The following KCNAB1 variants were observed in gnomAD, a reference collection of about 807,000 sequenced individuals.
KCNAB1 encodes the protein potassium voltage-gated channel subfamily A regulatory beta subunit 1.
In KCNAB1, 35 loss-of-function variants were observed where a neutral mutation model predicts 64.6. The observed-to-expected ratio is 0.54, with a 90% CI of 0.41 to 0.72. KCNAB1 has a LOEUF of 0.72. KCNAB1 is among the 30% of genes least tolerant of loss of function. KCNAB1 has a pLI of 0.00. For missense variants in KCNAB1, 401 were observed against 512.9 expected (o/e 0.78, Z 2.11); for synonymous variants, 177 against 183.8 (o/e 0.96, Z 0.30).
intron 1 of KCNAB1, among the ~76,000 whole-genome samples, chr3:156,383,733 T>A (rs1438101743): frequency 6.6e-6 from 1 of 152,202 alleles, no homozygotes; most frequent in African/African-American, 2.4e-5. Flanking sequence ...AGAAAGAGGT[T>A]TACAGATTTC....
intron 1 of KCNAB1, among the ~76,000 whole-genome samples, chr3:156,193,614 C>T (rs1347496253): frequency 1.3e-5 from 2 of 152,098 alleles, no homozygotes; most frequent in Non-Finnish European, 2.9e-5. Flanking sequence ...GTGCATCTTA[C>T]ATGGTGGCAG....
At chr3:156,148,451 C>T (rs1156269477) in intron 1 of KCNAB1, among the ~76,000 whole-genome samples, 2 of 152,202 alleles carry the variant, frequency 1.3e-5, no homozygotes, top group East Asian at 1.9e-4. Context: ...AACCAAAGAG[C>T]AAGTAGGAAC....
chr3:156,506,125 TTTG>T (rs1716820165), intron 8 of KCNAB1, among the ~76,000 whole-genome samples: 1 of 152,242 alleles, frequency 6.6e-6, no homozygotes, highest in Non-Finnish European at 1.5e-5. Context: ...TTTCAGCTAG[TTTG>T]TTGTTATCGT....
chr3:156,315,734 A>C (rs915611415), intron 1 of KCNAB1, among the ~76,000 whole-genome samples: 1 of 152,202 alleles, frequency 6.6e-6, no homozygotes, highest in African/African-American at 2.4e-5. Context: ...GTATATCTTC[A>C]TATCTATATT....
intron 2 of KCNAB1, among the ~76,000 whole-genome samples, chr3:156,439,381 A>C (rs1056855329): frequency 6.6e-6 from 1 of 152,136 alleles, no homozygotes; most frequent in African/African-American, 2.4e-5. Context: ...ACCTTTCAGA[A>C]TTGTTGGAAA....
intron 1 of KCNAB1, among the ~76,000 whole-genome samples, chr3:156,280,213 A>G (rs1719616547): frequency 6.6e-6 from 1 of 150,450 alleles, no homozygotes; most frequent in South Asian, 2.1e-4. Context: ...AGCACCATTT[A>G]TTAAATAGGG....
At chr3:156,378,305 A>G (rs1186774563) in intron 1 of KCNAB1, among the ~76,000 whole-genome samples, 1 of 152,094 alleles carries the variant, frequency 6.6e-6, no homozygotes, top group East Asian at 1.9e-4. Flanking sequence ...AGGAGGTAGG[A>G]TTGAAAGCCA....
Position 156,429,156 on chromosome 3 carries a change from T to C in KCNAB1, c.319+7497T>C, listed in dbSNP as rs187496745. On this transcript the variant is annotated intron_variant, in intron 2 of 13. Coordinates refer to ENST00000490337, the MANE Select transcript of KCNAB1 (RefSeq NM_172160.3). ...GCTCCACATGCATGTGTTTTTCAAATGCTGCCCTGACGGTTCTGAAGGAAG... is the reference window on the plus strand; with the variant it reads ...GCTCCACATGCATGTGTTTTTCAAACGCTGCCCTGACGGTTCTGAAGGAAG... Among the ~76,000 whole-genome samples, 511 of 152,358 alleles carry C rather than the reference T, an allele frequency of 3.4e-3. 2 individuals are homozygous for C. The highest frequency in any genetic ancestry group is 5.9e-3 in the Non-Finnish European group (402 of 68,022).
chr3:156,411,441 T>C (rs985353155), intron 1 of KCNAB1, among the ~76,000 whole-genome samples: 1 of 152,156 alleles, frequency 6.6e-6, no homozygotes, highest in African/African-American at 2.4e-5. Flanking sequence ...AAGCCCAAAG[T>C]CACACATATT....
intron 1 of KCNAB1, among the ~76,000 whole-genome samples, chr3:156,257,795 G>A (rs1265726738): frequency 6.6e-6 from 1 of 152,150 alleles, no homozygotes; most frequent in Non-Finnish European, 1.5e-5. Context: ...GTCTCAGAAA[G>A]GACCTGTCAA....
intron 1 of KCNAB1, among the ~76,000 whole-genome samples, chr3:156,198,913 ATTTTTTTTTTTTTTTTT>A: frequency 4.7e-5 from 1 of 21,288 alleles, no homozygotes; most frequent in Non-Finnish European, 9.0e-5. Context: ...TTATATTTTG[ATTTTTTTTTTTTTTTTT>A]TTTTTTTTTT....
At chr3:156,344,699 T>A (rs908329072) in intron 1 of KCNAB1, among the ~76,000 whole-genome samples, 5 of 152,196 alleles carry the variant, frequency 3.3e-5, no homozygotes, top group South Asian at 4.1e-4. Flanking sequence ...GAGAATTACA[T>A]TTTGAGAAAC....
intron 10 of KCNAB1, 80 bp downstream of exon 10, chr3:156,515,300 T>G (rs905673527): frequency 1.5e-6 from 2 of 1,325,168 alleles, no homozygotes; most frequent in African/African-American, 3.0e-5. Context: ...AAAACAGTGT[T>G]ATTGAAATGC....
intron 9 of KCNAB1, 35 bp from the exon 10 acceptor site, chr3:156,515,065 A>G (rs1245165900): frequency 6.4e-7 from 1 of 1,555,940 alleles, no homozygotes; most frequent in East Asian, 2.3e-5. Flanking sequence ...ATTTCTCATC[A>G]GTATAAATTT....
intron 1 of KCNAB1, among the ~76,000 whole-genome samples, chr3:156,197,373 G>C (rs1246894818): frequency 1.3e-5 from 2 of 152,166 alleles, no homozygotes; most frequent in African/African-American, 4.8e-5. Context: ...AATGGTTTCA[G>C]AACGAATGCT....
intron 1 of KCNAB1, among the ~76,000 whole-genome samples, chr3:156,173,291 T>G (rs1201597560): frequency 6.6e-6 from 1 of 152,074 alleles, no homozygotes; most frequent in East Asian, 1.9e-4. Context: ...AGATGGCCAG[T>G]GAGTTAACCA....
intron 12 of KCNAB1, among the ~76,000 whole-genome samples, chr3:156,524,724 G>A (rs867585763): frequency 1.7e-5 from 2 of 119,464 alleles, no homozygotes; most frequent in East Asian, 2.8e-4. Flanking sequence ...TCCAGCCTGC[G>A]TGACAGAGCA....
At chr3:156,281,379 G>T (rs1360441250) in intron 1 of KCNAB1, among the ~76,000 whole-genome samples, 8 of 151,446 alleles carry the variant, frequency 5.3e-5, no homozygotes, top group Non-Finnish European at 8.9e-5. Context: ...GTATTTTATT[G>T]AGGATTTTTG....
chr3:156,436,440 G>T (rs1716590866), intron 2 of KCNAB1, among the ~76,000 whole-genome samples: 1 of 152,206 alleles, frequency 6.6e-6, no homozygotes, highest in South Asian at 2.1e-4. Flanking sequence ...CCAGTAATGG[G>T]ATTGCTGGGT....
Sources: allele counts gnomAD v4.1 joint callset (sites outside exome capture counted in the v4.1 genomes callset), GRCh38; gene constraint gnomAD v4.1.1; transcripts MANE v1.5; gene names NCBI Gene and HGNC (gene_info 2026-07-23, HGNC 2026-07-21).